The following ZNF420 variants were observed in gnomAD, a reference collection of about 807,000 sequenced individuals.
ZNF420 encodes ATM and p53-associated KZNF protein.
In ZNF420, 31 loss-of-function variants were observed where a neutral mutation model predicts 44.7. The ratio of observed to expected loss-of-function variants is 0.69; its 90% confidence interval spans 0.52 to 0.94. The LOEUF (loss-of-function observed/expected upper bound fraction) is 0.94, where lower values mean the gene tolerates loss of function less well. Among genes scored for constraint, ZNF420 ranks in the 40% least tolerant of loss-of-function variants. The probability of loss-of-function intolerance (pLI) is 0.00; values close to 1 mark genes in which losing one functional copy is unlikely to be tolerated. For synonymous variants in ZNF420, 245 were observed against 267.4 expected (o/e 0.92, Z 0.82); for missense variants, 681 against 827.9 (o/e 0.82, Z 2.18).
intron 4 of ZNF420, chr19:37,109,902 G>T (rs549826344): frequency 6.6e-6 from 1 of 152,268 alleles, no homozygotes; most frequent in Non-Finnish European, 1.5e-5. Context: ...AGATTAAGTT[G>T]CATCTGAGGA....
chr19:37,052,917 A>G (rs187440767), intron 1 of ZNF420, among the ~76,000 whole-genome samples: 1 of 152,254 alleles, frequency 6.6e-6, no homozygotes, highest in East Asian at 1.9e-4. Flanking sequence ...CTGCCTTGCT[A>G]GATTGGGGAA....
chr19:37,111,811 T>TA (rs903284136), intron 4 of ZNF420: 1 of 152,140 alleles, frequency 6.6e-6, no homozygotes, highest in Non-Finnish European at 1.5e-5. Flanking sequence ...AGAGGAATGG[T>TA]AAAAAAGCAA....
chr19:37,020,637 G>A (rs1434901027), intron 1 of ZNF420, among the ~76,000 whole-genome samples: 2 of 152,276 alleles, frequency 1.3e-5, no homozygotes, highest in East Asian at 3.9e-4. Context: ...CTAAAGTAGA[G>A]GCACCCCAAG....
intron 4 of ZNF420, chr19:37,109,823 A>C (rs1970288666): frequency 6.6e-6 from 1 of 152,056 alleles, no homozygotes; most frequent in Non-Finnish European, 1.5e-5. Flanking sequence ...TTTACCAGTA[A>C]GATGTTGTTC....
chr19:37,107,834 C>T (rs1970179755), intron 4 of ZNF420: 1 of 109,016 alleles, frequency 9.2e-6, no homozygotes, highest in Non-Finnish European at 1.9e-5. Context: ...TTCCTGGTAC[C>T]AAATTTAATG....
chr19:37,118,792 A>G (rs1970846019), intron 4 of ZNF420, among the ~76,000 whole-genome samples: 1 of 151,262 alleles, frequency 6.6e-6, no homozygotes. Context: ...AAGCAAATGG[A>G]AAACAAAAAA....
At chr19:37,070,291 A>T (rs1039530836) in intron 1 of ZNF420, among the ~76,000 whole-genome samples, 7 of 152,002 alleles carry the variant, frequency 4.6e-5, no homozygotes, top group South Asian at 2.1e-4. Context: ...GAGATTTTAT[A>T]AAAAAAATTG....
chr19:37,097,822 T>G (rs1158863282), intron 4 of ZNF420, among the ~76,000 whole-genome samples: 1 of 152,194 alleles, frequency 6.6e-6, no homozygotes, highest in Admixed American at 6.5e-5. Flanking sequence ...TCTTTTAAAA[T>G]TTTACCTTTG....
At chr19:37,010,327 C>T (rs972542004) in intron 1 of ZNF420, among the ~76,000 whole-genome samples, 1 of 152,116 alleles carries the variant, frequency 6.6e-6, no homozygotes, top group African/African-American at 2.4e-5. Flanking sequence ...CCTCAACTGC[C>T]GGGACGGTGT....
At chr19:37,126,115 G>A (rs1022347857) in intron 4 of ZNF420, among the ~76,000 whole-genome samples, 29 of 152,070 alleles carry the variant, frequency 1.9e-4, no homozygotes, top group Admixed American at 8.5e-4. Flanking sequence ...TTATGTAAAC[G>A]CTCCAGTGGC....
At chr19:37,018,811 C>G (rs911101730) in intron 1 of ZNF420, among the ~76,000 whole-genome samples, 26 of 152,066 alleles carry the variant, frequency 1.7e-4, no homozygotes, top group African/African-American at 6.3e-4. Context: ...CTCAAGTGAC[C>G]CACCCACCTC....
chr19:37,054,035 C>CCT (rs1967694310), intron 1 of ZNF420, among the ~76,000 whole-genome samples: 1 of 151,986 alleles, frequency 6.6e-6, no homozygotes, highest in South Asian at 2.1e-4. Context: ...CCGCTTTGTT[C>CCT]ACCTACTGAC....
intron 1 of ZNF420, among the ~76,000 whole-genome samples, chr19:37,020,595 C>T (rs1052805812): frequency 4.6e-5 from 7 of 152,190 alleles, no homozygotes; most frequent in African/African-American, 1.7e-4. Context: ...TTAATCCTTA[C>T]ACCATGTTCA....
intron 4 of ZNF420, among the ~76,000 whole-genome samples, chr19:37,113,389 T>C (rs962664241): frequency 6.6e-6 from 1 of 152,210 alleles, no homozygotes; most frequent in Non-Finnish European, 1.5e-5. Flanking sequence ...GCGATAAGCA[T>C]AGCTTTATGC....
chr19:37,023,992 A>G (rs2074667681), intron 1 of ZNF420, among the ~76,000 whole-genome samples: 1 of 152,078 alleles, frequency 6.6e-6, no homozygotes, highest in African/African-American at 2.4e-5. Flanking sequence ...AGGGGTTTTC[A>G]TATGCCTCAT....
At chr19:37,032,641 C>A (rs1340364886) in intron 1 of ZNF420, among the ~76,000 whole-genome samples, 1 of 151,872 alleles carries the variant, frequency 6.6e-6, no homozygotes, top group Non-Finnish European at 1.5e-5. Flanking sequence ...CCCGTCTCTA[C>A]TAAAAATACA....
At chr19:37,018,582 G>GT (rs907547115) in intron 1 of ZNF420, among the ~76,000 whole-genome samples, 1 of 152,054 alleles carries the variant, frequency 6.6e-6, no homozygotes, top group African/African-American at 2.4e-5. Context: ...TTGTTTGTTT[G>GT]TTTTTTTGAG....
At chr19:37,108,374 CA>C (rs1970210516) in intron 4 of ZNF420, 1 of 152,208 alleles carries the variant, frequency 6.6e-6, no homozygotes, top group Non-Finnish European at 1.5e-5. Flanking sequence ...CTCTCACTAG[CA>C]GAATACGGTG....
At chr19:37,083,694 C>T (rs189013685) in intron 2 of ZNF420, among the ~76,000 whole-genome samples, 1 of 152,268 alleles carries the variant, frequency 6.6e-6, no homozygotes, top group Admixed American at 6.5e-5. Context: ...AGATTCCAGA[C>T]TTTCCGTGCT....
Sources: allele counts gnomAD v4.1 joint callset (sites outside exome capture counted in the v4.1 genomes callset), GRCh38; gene constraint gnomAD v4.1.1; transcripts MANE v1.5; gene names NCBI Gene and HGNC (gene_info 2026-07-23, HGNC 2026-07-21).